The following PCDHGA6 variants were observed in gnomAD, a reference collection of about 807,000 sequenced individuals.
PCDHGA6 encodes protocadherin gamma subfamily A, 6, also known as protocadherin gamma-A6.
PCDHGA6 carries 41 observed loss-of-function variants against 60.6 expected under a neutral mutation model. The ratio of observed to expected loss-of-function variants is 0.68; its 90% CI spans 0.53 to 0.88. The LOEUF is 0.88. Among genes scored for constraint, PCDHGA6 ranks in the 40% least tolerant of loss-of-function variants. PCDHGA6 has a pLI of 0.00. For synonymous variants in PCDHGA6, 594 were observed against 524.4 expected (o/e 1.13, Z -1.81); for missense variants, 1,312 against 1,203.0 (o/e 1.09, Z -1.34).
Position 141,491,676 on chromosome 5 carries a change from T to C in PCDHGA6, c.2425-3131T>C. On this transcript the variant is annotated intron_variant, in intron 1 of 3. Coordinates refer to ENST00000517434, the MANE Select transcript of PCDHGA6 (RefSeq NM_018919.3). The surrounding 1 kb of genome is among the most constrained non-coding windows in gnomAD (Gnocchi z 6.9). ...AGCCTGACGCCATCCGGTCCCGCTC[T>C]AATACGCTGCGGGAGCGGAGCCAGG... 3.1e-6 allele frequency: 5 copies of C among 1,613,546 alleles called. No individual in the cohort carries two copies. Among genetic ancestry groups the C allele is most frequent in the Non-Finnish European group, 4.2e-6 (5 of 1,179,848 alleles).
chr5:141,471,568 A>G (rs947450908), intron 1 of PCDHGA6: 3 of 152,214 alleles, frequency 2.0e-5, no homozygotes, highest in Non-Finnish European at 2.9e-5. Context: ...CAGGGGTAGC[A>G]GTAGATAGGG....
chr5:141,402,749 G>A (rs768250544), intron 1 of PCDHGA6, among the ~76,000 whole-genome samples: 4 of 152,152 alleles, frequency 2.6e-5, no homozygotes, highest in Non-Finnish European at 5.9e-5. Flanking sequence ...TCAACTCTAA[G>A]CGAAAATCAG....
At chr5:141,395,648 T>G (rs2093296043) in intron 1 of PCDHGA6, 1 of 167,156 alleles carries the variant, frequency 6.0e-6, no homozygotes, top group South Asian at 1.9e-4. Context: ...GTTATTAGCT[T>G]AGCAAAAGTA....
intron 1 of PCDHGA6, among the ~76,000 whole-genome samples, chr5:141,454,252 A>T (rs1288181537): frequency 6.6e-6 from 1 of 152,214 alleles, no homozygotes; most frequent in Non-Finnish European, 1.5e-5. Context: ...AAGATGTCCC[A>T]GAGAAAGTAA....
rs376526750 is a variant in PCDHGA6 at position 141,476,593 on chromosome 5, G to T, written c.2425-18214G>T. The T allele has an allele frequency of 8.5e-5, 138 of 1,614,104 alleles. No individual in the cohort carries two copies. The highest frequency in any genetic ancestry group is 1.1e-4 in the Non-Finnish European group (133 of 1,180,044). On this transcript the variant is annotated intron_variant, in intron 1 of 3. Transcript: ENST00000517434. The surrounding 1 kb of genome is among the most constrained non-coding windows in gnomAD (Gnocchi z 7.6). ...GGACGCGCTTTCCGCTCGAGAGCGCGCACGATCCCGATGTGGGAAGCAACT... is the reference window on the plus strand; with the variant it reads ...GGACGCGCTTTCCGCTCGAGAGCGCTCACGATCCCGATGTGGGAAGCAACT...
intron 1 of PCDHGA6, chr5:141,399,606 G>A: frequency 1.2e-6 from 2 of 1,613,956 alleles, no homozygotes; most frequent in Non-Finnish European, 1.7e-6. Context: ...GCGACCTAGA[G>A]CCTCTGGCAC....
chr5:141,415,837 A>G (rs1232795581), intron 1 of PCDHGA6: 1 of 1,272,340 alleles, frequency 7.9e-7, no homozygotes, highest in Admixed American at 4.0e-5. Flanking sequence ...TGTTATGATT[A>G]GCTTTGCAGA....
At chr5:141,458,130 C>A (rs1441742986) in intron 1 of PCDHGA6, among the ~76,000 whole-genome samples, 2 of 152,248 alleles carry the variant, frequency 1.3e-5, no homozygotes, top group African/African-American at 4.8e-5. Flanking sequence ...AGGAACCAGG[C>A]AGAGAAAAAT....
At chr5:141,460,924 A>ATATG (rs1561985817) in intron 1 of PCDHGA6, among the ~76,000 whole-genome samples, 10 of 150,588 alleles carry the variant, frequency 6.6e-5, no homozygotes, top group East Asian at 3.9e-4. Flanking sequence ...ATATATATAT[A>ATATG]TGTGTGTGTG....
chr5:141,478,685 A>G, intron 1 of PCDHGA6: 3 of 1,551,308 alleles, frequency 1.9e-6, no homozygotes, highest in Non-Finnish European at 2.6e-6. Context: ...GGCCCTTCCT[A>G]GATCAAAGTT....
At chr5:141,506,993 C>T (rs781663602) in intron 3 of PCDHGA6, 18 of 152,184 alleles carry the variant, frequency 1.2e-4, no homozygotes, top group Non-Finnish European at 1.8e-4. Context: ...TTCTCACACT[C>T]GACAGATGAG....
At position 141,486,001 on chromosome 5, in the gene PCDHGA6, C is replaced by G. The variant is rs771993915; in HGVS notation, c.2425-8806C>G. 6.2e-7 allele frequency: 1 copy of G among 1,614,194 alleles called. No homozygotes were observed. Among genetic ancestry groups the G allele is most frequent in the Non-Finnish European group, 8.5e-7 (1 of 1,180,024 alleles). On this transcript the variant is annotated intron_variant, in intron 1 of 3. Transcript: ENST00000517434. The surrounding 1 kb of genome is among the most constrained non-coding windows in gnomAD (Gnocchi z 5.0). ...ACCCGGACCTGGGTCCCAGTGGTAACGTCACCTTTTATTTCAGTGGTCATA... is the reference window on the plus strand; with the variant it reads ...ACCCGGACCTGGGTCCCAGTGGTAAGGTCACCTTTTATTTCAGTGGTCATA...
chr5:141,384,002 T>C, intron 1 of PCDHGA6: 1 of 1,613,878 alleles, frequency 6.2e-7, no homozygotes, highest in South Asian at 1.1e-5. Flanking sequence ...GTCATTGCTC[T>C]TTTCTACCTA....
intron 1 of PCDHGA6, among the ~76,000 whole-genome samples, chr5:141,492,824 C>T (rs1027583244): frequency 4.6e-5 from 7 of 152,236 alleles, no homozygotes. Context: ...ACCAGCGGCC[C>T]CTTCCTCCCG....
At chr5:141,422,966 C>A (rs762530904) in intron 1 of PCDHGA6, 1 of 1,614,112 alleles carries the variant, frequency 6.2e-7, no homozygotes, top group Admixed American at 1.7e-5. Flanking sequence ...GAGCTGGCGC[C>A]CCGCTCTGCG....
Position 141,476,373 on chromosome 5 carries a change from T to C in PCDHGA6, c.2425-18434T>C. 1 of 1,614,054 alleles carries C rather than the reference T, an allele frequency of 6.2e-7. No individual in the cohort carries two copies. Among genetic ancestry groups the C allele is most frequent in the Non-Finnish European group, 8.5e-7 (1 of 1,180,020 alleles). On this transcript the variant is annotated intron_variant, in intron 1 of 3. Transcript: ENST00000517434. This position sits in a 1 kb window ranked among gnomAD's most constrained non-coding sequence, Gnocchi z 7.6. ...GAGGTGAACCGGGAGACCGGAGAGA[T>C]GTTTGTGAACGACCGTCTGGATCGA...
intron 1 of PCDHGA6, chr5:141,428,862 T>TC (rs1345604550): frequency 2.7e-5 from 2 of 74,856 alleles, no homozygotes; most frequent in African/African-American, 2.0e-4. Flanking sequence ...ACGGGAGACT[T>TC]TTTTTTTTTT....
intron 1 of PCDHGA6, among the ~76,000 whole-genome samples, chr5:141,386,991 A>G (rs1218503150): frequency 6.6e-6 from 1 of 152,212 alleles, no homozygotes; most frequent in Non-Finnish European, 1.5e-5. Context: ...GAGGCTATGT[A>G]TTATCCCCCT....
rs1243327893 is a variant in PCDHGA6, at chr5:141,491,671, C to G, written c.2425-3136C>G. 1 of 1,613,484 alleles carries G rather than the reference C, an allele frequency of 6.2e-7. No homozygotes were observed. Among genetic ancestry groups the G allele is most frequent in the Admixed American group, 1.7e-5 (1 of 60,034 alleles). On this transcript the variant is annotated intron_variant, in intron 1 of 3. Transcript: ENST00000517434. This position sits in a 1 kb window ranked among gnomAD's most constrained non-coding sequence, Gnocchi z 6.9. ...GCTGGAGCCTGACGCCATCCGGTCC[C>G]GCTCTAATACGCTGCGGGAGCGGAG...
Sources: gnomAD v4.1 joint callset for allele counts (sites outside exome capture counted in the v4.1 genomes callset) on GRCh38, gnomAD v4.1.1 for gene constraint, Gnocchi (gnomAD v3.1) non-coding constraint, MANE v1.5 for transcripts, NCBI Gene and HGNC (gene_info 2026-07-23, HGNC 2026-07-21) for gene names.